KCNIP4: variants seen among roughly 807,000 people sequenced by gnomAD.
KCNIP4 encodes potassium voltage-gated channel interacting protein 4, also known as Kv channel-interacting protein 4.
A neutral mutation model predicts 34.0 loss-of-function variants in KCNIP4; 12 were observed. The observed-to-expected ratio is 0.35, with a 90% confidence interval of 0.23 to 0.57. The LOEUF is 0.57. KCNIP4 is among the 20% of genes least tolerant of loss of function. KCNIP4 has a pLI of 0.83. For missense variants in KCNIP4, 238 were observed against 311.7 expected (o/e 0.76, Z 1.78); for synonymous variants, 124 against 102.2 (o/e 1.21, Z -1.29).
intron 1 of KCNIP4, among the ~76,000 whole-genome samples, chr4:21,818,848 AAAAAC>A (rs10672374): frequency 2.6e-5 from 4 of 152,044 alleles, no homozygotes; most frequent in African/African-American, 4.8e-5. Context: ...GAGACTAGTA[AAAAAC>A]AAAACAAAAC....
intron 1 of KCNIP4, among the ~76,000 whole-genome samples, chr4:21,406,735 T>C (rs1431499214): frequency 3.3e-5 from 5 of 152,176 alleles, no homozygotes; most frequent in African/African-American, 1.2e-4. Flanking sequence ...CAGACTCAGA[T>C]ATTTGGCAGC....
chr4:21,533,001 TATATGTATATATAC>T (rs1276226372), intron 1 of KCNIP4, among the ~76,000 whole-genome samples: 1 of 140,610 alleles, frequency 7.1e-6, no homozygotes, highest in Non-Finnish European at 1.5e-5. Flanking sequence ...AGTGTGTATA[TATATGTATATATAC>T]ATATGTATAT....
chr4:21,746,668 T>C (rs573648543), intron 1 of KCNIP4, among the ~76,000 whole-genome samples: 25 of 152,144 alleles, frequency 1.6e-4, no homozygotes, highest in South Asian at 6.2e-4. Context: ...ATCTGAGTCT[T>C]ATTCATAATA....
At chr4:20,807,416 C>T (rs1161380292) in intron 3 of KCNIP4, among the ~76,000 whole-genome samples, 1 of 152,032 alleles carries the variant, frequency 6.6e-6, no homozygotes, top group Non-Finnish European at 1.5e-5. Context: ...TGGCAAACTG[C>T]AGCTTGTAGG....
intron 3 of KCNIP4, among the ~76,000 whole-genome samples, chr4:20,763,349 G>A (rs1755101233): frequency 6.6e-6 from 1 of 152,192 alleles, no homozygotes. Context: ...AATCTTGGGT[G>A]AGTGTACAGA....
At chr4:21,410,206 T>TA (rs33975781) in intron 1 of KCNIP4, among the ~76,000 whole-genome samples, 3 of 151,842 alleles carry the variant, frequency 2.0e-5, no homozygotes, top group African/African-American at 7.3e-5. Flanking sequence ...CTGGAGACTG[T>TA]AAAAAAAAGT....
chr4:20,874,538 C>T (rs1011534343), intron 2 of KCNIP4, among the ~76,000 whole-genome samples: 17 of 152,260 alleles, frequency 1.1e-4, no homozygotes, highest in African/African-American at 3.4e-4. Flanking sequence ...TGTCCTGACA[C>T]TCCTACCTCT....
rs577938297 is a variant in KCNIP4, at chr4:21,227,288, C to A, written c.62-344579G>T. On this transcript the variant is annotated intron_variant, in intron 1 of 8. Coordinates refer to ENST00000382152, the MANE Select transcript of KCNIP4 (RefSeq NM_025221.6). ...CCAGGTTGCTTATTTTGAAAGGAATCATGCTCAGAATCTCGCAAACCAAAA... is the reference window on the plus strand; with the variant it reads ...CCAGGTTGCTTATTTTGAAAGGAATAATGCTCAGAATCTCGCAAACCAAAA... 6.6e-5 allele frequency among the ~76,000 whole-genome samples: 10 copies of A among 152,286 alleles called. No individual in the cohort carries two copies. The South Asian group carries it at 2.1e-3, about 32-fold the overall frequency.
intron 1 of KCNIP4, among the ~76,000 whole-genome samples, chr4:21,391,481 T>C (rs2109516203): frequency 6.6e-6 from 1 of 152,258 alleles, no homozygotes. Flanking sequence ...TGATACCTTC[T>C]GTGATCCTCC....
chr4:21,182,997 A>G (rs1165037331), intron 1 of KCNIP4, among the ~76,000 whole-genome samples: 1 of 152,094 alleles, frequency 6.6e-6, no homozygotes, highest in African/African-American at 2.4e-5. Flanking sequence ...TTTCACTTAC[A>G]TCTAACCCAC....
At chr4:21,582,470 G>A (rs1274350149) in intron 1 of KCNIP4, 1 of 151,814 alleles carries the variant, frequency 6.6e-6, no homozygotes, top group Non-Finnish European at 1.5e-5. Flanking sequence ...TTCAATAATA[G>A]AAATAAATAT....
At chr4:21,832,586 T>A (rs1440913054) in intron 1 of KCNIP4, among the ~76,000 whole-genome samples, 15 of 3,036 alleles carry the variant, frequency 4.9e-3, no homozygotes, top group Non-Finnish European at 0.019. Context: ...TTTTTTTTAT[T>A]TTTTTTTTTA....
chr4:20,990,413 A>G (rs1436683887), intron 1 of KCNIP4, among the ~76,000 whole-genome samples: 2 of 152,184 alleles, frequency 1.3e-5, no homozygotes, highest in Non-Finnish European at 2.9e-5. Context: ...ATGTCCATTA[A>G]ACTATTAAGT....
intron 1 of KCNIP4, among the ~76,000 whole-genome samples, chr4:20,920,894 C>A (rs1211611839): frequency 2.0e-5 from 3 of 152,054 alleles, no homozygotes; most frequent in Admixed American, 2.0e-4. Context: ...GAGGCTGAGG[C>A]AGGAGAATTG....
chr4:21,928,127 T>TATATATATACACAC (rs141651426), intron 1 of KCNIP4, among the ~76,000 whole-genome samples: 17 of 143,976 alleles, frequency 1.2e-4, no homozygotes, highest in Admixed American at 2.1e-4. Context: ...TATATATATA[T>TATATATATACACAC]ACACACACAC....
At chr4:21,370,150 A>C (rs1720193328) in intron 1 of KCNIP4, among the ~76,000 whole-genome samples, 1 of 147,674 alleles carries the variant, frequency 6.8e-6, no homozygotes, top group Admixed American at 6.6e-5. Flanking sequence ...CTTAATGTGG[A>C]AAAACTAAGA....
chr4:21,120,788 T>A (rs756441058), intron 1 of KCNIP4, among the ~76,000 whole-genome samples: 62 of 152,270 alleles, frequency 4.1e-4, no homozygotes, highest in Non-Finnish European at 7.2e-4. Context: ...CCTAACCATA[T>A]CAGTCCTAAT....
At chr4:20,936,566 A>T (rs1028444151) in intron 1 of KCNIP4, among the ~76,000 whole-genome samples, 1 of 115,738 alleles carries the variant, frequency 8.6e-6, no homozygotes, top group African/African-American at 4.5e-5. Context: ...GTAGGTATTA[A>T]AAAAAATTCC....
At chr4:20,907,212 A>G (rs1340291479) in intron 1 of KCNIP4, among the ~76,000 whole-genome samples, 1 of 152,196 alleles carries the variant, frequency 6.6e-6, no homozygotes, top group Non-Finnish European at 1.5e-5. Context: ...CTGAGCTTTA[A>G]ATGTTAACAC....
Sources: allele counts gnomAD v4.1 joint callset (sites outside exome capture counted in the v4.1 genomes callset), GRCh38; gene constraint gnomAD v4.1.1; transcripts MANE v1.5; gene names NCBI Gene and HGNC (gene_info 2026-07-23, HGNC 2026-07-21).